The following TOX variants were observed in gnomAD, a reference collection of about 807,000 sequenced individuals.
TOX encodes the protein thymocyte selection-associated high mobility group box protein TOX.
Under a neutral mutation model 53.7 loss-of-function variants are expected in TOX, and 11 were observed. That is an observed-to-expected ratio of 0.20 (90% CI 0.13 to 0.34). The LOEUF is 0.34. Ranked by LOEUF, TOX falls within the 10% of genes least tolerant of loss-of-function variation. The pLI, the probability that TOX is intolerant of heterozygous loss-of-function variation, is 1.00. For missense variants in TOX, 570 were observed against 664.6 expected (o/e 0.86, Z 1.56); for synonymous variants, 225 against 245.3 (o/e 0.92, Z 0.77).
At chr8:58,879,554 T>C (rs1811347452) in intron 3 of TOX, among the ~76,000 whole-genome samples, 1 of 152,112 alleles carries the variant, frequency 6.6e-6, no homozygotes, top group African/African-American at 2.4e-5. Flanking sequence ...ACAAATATAC[T>C]TCATTATAAA....
At chr8:58,954,343 T>TTCCATTCATGTGATTAA (rs1812676606) in intron 2 of TOX, among the ~76,000 whole-genome samples, 1 of 152,226 alleles carries the variant, frequency 6.6e-6, no homozygotes. Flanking sequence ...TGGAAGACTC[T>TTCCATTCATGTGATTAA]AAGTATTCAT....
chr8:59,103,535 T>C (rs1458981271), intron 1 of TOX, among the ~76,000 whole-genome samples: 1 of 152,166 alleles, frequency 6.6e-6, no homozygotes, highest in Non-Finnish European at 1.5e-5. Context: ...AAGATCCACA[T>C]ATTGCTTAAA....
chr8:59,054,579 T>C (rs1585990464), intron 1 of TOX, among the ~76,000 whole-genome samples: 1 of 152,146 alleles, frequency 6.6e-6, no homozygotes, highest in Non-Finnish European at 1.5e-5. Context: ...GTTTTAGAAA[T>C]ATGTTTAGTA....
At chr8:59,033,101 G>A (rs193234985) in intron 1 of TOX, among the ~76,000 whole-genome samples, 2 of 152,088 alleles carry the variant, frequency 1.3e-5, no homozygotes, top group East Asian at 1.9e-4. Flanking sequence ...GAGAAGTTAA[G>A]ATTCAATTTG....
Position 58,911,834 on chromosome 8 carries a change from C to T in TOX, c.411+27468G>A, listed in dbSNP as rs146745306. 5.8e-4 allele frequency among the ~76,000 whole-genome samples: 89 copies of T among 152,298 alleles called. 2 individuals carry two copies. The East Asian group carries it at 0.015, about 26-fold the overall frequency. On this transcript the variant is annotated intron_variant, in intron 3 of 8. Coordinates refer to ENST00000361421, the MANE Select transcript of TOX (RefSeq NM_014729.3). ...TTCTCTGCCTCAGTCTTCCAAGTAG[C>T]TGGGATTACAGGTGCATGCTACCAT... is the stretch of plus-strand genomic sequence containing the variant.
rs1008196462 is a variant in TOX at position 58,976,455 on chromosome 8, A to G, written c.103-16447T>C. 2.4e-4 allele frequency among the ~76,000 whole-genome samples: 36 copies of G among 152,332 alleles called. 1 individual carries two copies. The highest frequency in any genetic ancestry group is 5.2e-4 in the Admixed American group (8 of 15,308). On this transcript the variant is annotated intron_variant, in intron 1 of 8. Transcript: ENST00000361421. ...TACCACATCTACAGTTGCTGCTTCTATGGAAGTCTTGAATCCCTCAAAGTC... is the reference window on the plus strand; with the variant it reads ...TACCACATCTACAGTTGCTGCTTCTGTGGAAGTCTTGAATCCCTCAAAGTC...
intron 3 of TOX, among the ~76,000 whole-genome samples, chr8:58,903,728 T>TC (rs1330413795): frequency 1.3e-5 from 2 of 152,210 alleles, no homozygotes; most frequent in Non-Finnish European, 2.9e-5. Flanking sequence ...ATCCCCCTAG[T>TC]CTTGCATCCT....
chr8:58,847,546 A>T (rs1810738045), intron 4 of TOX, among the ~76,000 whole-genome samples: 2 of 152,160 alleles, frequency 1.3e-5, no homozygotes, highest in African/African-American at 4.8e-5. Context: ...GAAAGGAGAA[A>T]GTCTAATATT....
intron 3 of TOX, among the ~76,000 whole-genome samples, chr8:58,874,872 T>C (rs1328233484): frequency 2.6e-5 from 4 of 152,158 alleles, no homozygotes; most frequent in Admixed American, 2.6e-4. Context: ...ACACATAAAA[T>C]ACAATGACAC....
chr8:59,007,105 T>C (rs539020797), intron 1 of TOX, among the ~76,000 whole-genome samples: 11 of 152,294 alleles, frequency 7.2e-5, no homozygotes, highest in African/African-American at 1.4e-4. Context: ...CTAACAATAG[T>C]GTATTTCCAG....
chr8:59,108,425 A>G (rs898135261), intron 1 of TOX, among the ~76,000 whole-genome samples: 6 of 152,172 alleles, frequency 3.9e-5, no homozygotes, highest in African/African-American at 1.4e-4. Flanking sequence ...ACTACAAACA[A>G]TGGCACTGGA....
At chr8:59,008,432 G>A (rs535783638) in intron 1 of TOX, among the ~76,000 whole-genome samples, 1 of 152,172 alleles carries the variant, frequency 6.6e-6, no homozygotes, top group South Asian at 2.1e-4. Context: ...CACTCAAACC[G>A]AGCCCTGTGG....
At chr8:58,902,899 C>T (rs970314324) in intron 3 of TOX, among the ~76,000 whole-genome samples, 1 of 152,190 alleles carries the variant, frequency 6.6e-6, no homozygotes, top group African/African-American at 2.4e-5. Flanking sequence ...AAAATGCCAG[C>T]TCTACCAGTT....
At chr8:58,841,587 A>T (rs182372848) in intron 4 of TOX, among the ~76,000 whole-genome samples, 1 of 152,226 alleles carries the variant, frequency 6.6e-6, no homozygotes, top group Admixed American at 6.5e-5. Context: ...GGGATCTAAC[A>T]TACAGCACAA....
chr8:59,068,313 T>C (rs148501295), intron 1 of TOX, among the ~76,000 whole-genome samples: 8 of 151,534 alleles, frequency 5.3e-5, no homozygotes, highest in African/African-American at 1.9e-4. Context: ...AGGCAGAGAG[T>C]TAAATATAAT....
At chr8:58,939,233 G>C in intron 3 of TOX, 69 bp downstream of exon 3, 1 of 1,569,684 alleles carries the variant, frequency 6.4e-7, no homozygotes, top group South Asian at 1.2e-5. Context: ...CCAGGCCCTC[G>C]CATGAACTTG....
intron 1 of TOX, among the ~76,000 whole-genome samples, chr8:58,960,637 C>A (rs999494268): frequency 6.6e-6 from 1 of 151,996 alleles, no homozygotes; most frequent in African/African-American, 2.4e-5. Flanking sequence ...TTTCAGATAT[C>A]GAATTTATGT....
chr8:59,090,701 C>T (rs2129423726), intron 1 of TOX, among the ~76,000 whole-genome samples: 1 of 152,242 alleles, frequency 6.6e-6, no homozygotes, highest in East Asian at 1.9e-4. Flanking sequence ...CCTTTCCCCT[C>T]ATCTCACAGC....
intron 1 of TOX, among the ~76,000 whole-genome samples, chr8:59,109,020 T>C (rs1804964712): frequency 6.6e-6 from 1 of 152,116 alleles, no homozygotes. Context: ...AAAAGAACAA[T>C]TAAGAAAATA....
Sources: gnomAD v4.1 joint callset for allele counts (sites outside exome capture counted in the v4.1 genomes callset) on GRCh38, gnomAD v4.1.1 for gene constraint, MANE v1.5 for transcripts, NCBI Gene and HGNC (gene_info 2026-07-23, HGNC 2026-07-21) for gene names.